The following LGR4 variants were observed in gnomAD, a reference collection of about 807,000 sequenced individuals.
LGR4 encodes leucine-rich repeat-containing G protein-coupled receptor 4.
Under a neutral mutation model 84.8 loss-of-function variants are expected in LGR4, and 44 were observed. The observed-to-expected ratio is 0.52, with a 90% CI of 0.41 to 0.67. LGR4 has a LOEUF of 0.67. Among genes scored for constraint, LGR4 ranks in the 30% least tolerant of loss-of-function variants. The probability of loss-of-function intolerance (pLI) is 0.00; values close to 1 mark genes in which losing one functional copy is unlikely to be tolerated. For missense variants in LGR4, 1,032 were observed against 1,131.4 expected, an observed-to-expected ratio of 0.91 and a Z score of 1.26; for synonymous variants, 429 against 434.3, an observed-to-expected ratio of 0.99 and a Z score of 0.15.
At chr11:27,450,665 G>A (rs1341928757) in intron 1 of LGR4, among the ~76,000 whole-genome samples, 1 of 152,130 alleles carries the variant, frequency 6.6e-6, no homozygotes, top group African/African-American at 2.4e-5. Context: ...GCACACACCT[G>A]TAATCCCACC....
chr11:27,424,657 C>T (rs150042261), intron 1 of LGR4, among the ~76,000 whole-genome samples: 30 of 152,306 alleles, frequency 2.0e-4, no homozygotes, highest in Admixed American at 4.6e-4. Flanking sequence ...ACAGAGGGAG[C>T]CCATGACAGT....
At chr11:27,442,784 G>C (rs1363426060) in intron 1 of LGR4, among the ~76,000 whole-genome samples, 1 of 152,170 alleles carries the variant, frequency 6.6e-6, no homozygotes, top group Admixed American at 6.5e-5. Flanking sequence ...AGAGAAGACA[G>C]TTATTTTCAT....
rs776200552 is a variant in LGR4 at position 27,368,392 on chromosome 11, G to A, written c.2331C>T (p.Ile777=). ...SFAPLITAIS[I]SPEIMKSVTL... ...TAACAGACTTCATTATTTCGGGGCT[G>A]ATAGAGATTGCAGTGATCAATGGTG... is the stretch of plus-strand genomic sequence containing the variant. Residue 777 remains isoleucine, a synonymous_variant, in exon 18 of 18, where the codon ATC becomes ATT. Coordinates refer to ENST00000379214, the MANE Select transcript of LGR4 (RefSeq NM_018490.5). 6.2e-7 allele frequency: 1 copy of A among 1,613,910 alleles called. No individual in the cohort carries two copies. Among genetic ancestry groups the A allele is most frequent in the East Asian group, 2.2e-5 (1 of 44,832 alleles).
At chr11:27,463,067 CAAAAAAAAA>C (rs35718980) in intron 1 of LGR4, among the ~76,000 whole-genome samples, 26 of 51,036 alleles carry the variant, frequency 5.1e-4, no homozygotes, top group South Asian at 4.6e-3. Flanking sequence ...ACCCTGTCTC[CAAAAAAAAA>C]AAAAAAAAAA....
chr11:27,467,581 A>C (rs78132625), intron 1 of LGR4, among the ~76,000 whole-genome samples: 107 of 148,638 alleles, frequency 7.2e-4, no homozygotes, highest in Middle Eastern at 3.6e-3. Context: ...AAAAAAAAAA[A>C]ATCAAATTAA....
Position 27,380,963 on chromosome 11 carries a change from T to G in LGR4, c.762A>C (p.Gly254=), listed in dbSNP as rs112724934. 1.2e-5 allele frequency: 18 copies of G among 1,517,070 alleles called. No individual in the cohort carries two copies. The East Asian group carries it at 3.8e-4, about 32-fold the overall frequency. 94.0% of individuals were successfully genotyped at this position (1,517,070 alleles called of 1,614,324 possible). A position where few individuals can be genotyped will look rare whatever the true frequency, so the allele number is the denominator to read the frequency against. The change falls in exon 8 of 18, where the codon GGA becomes GGC. Residue 254 remains glycine, a synonymous_variant. Transcript: ENST00000379214. The stretch of plus-strand genomic sequence containing the variant: ...TAACAGAAATAGAATTACTATGAAA[T>G]CCTCTAGAAAGATAGGAGAAAAGTA... The part of the protein sequence containing the change: ...IKALPSLKEL[G]FHSNSISVIP...
chr11:27,416,897 T>A (rs1003279658), intron 1 of LGR4, among the ~76,000 whole-genome samples: 4 of 152,158 alleles, frequency 2.6e-5, no homozygotes, highest in Non-Finnish European at 5.9e-5. Flanking sequence ...TGCTAAAGTA[T>A]CTACAGAGTA....
intron 2 of LGR4, among the ~76,000 whole-genome samples, chr11:27,398,537 G>A (rs1863433755): frequency 6.6e-6 from 1 of 152,186 alleles, no homozygotes; most frequent in African/African-American, 2.4e-5. Context: ...CATATGGACT[G>A]AGCAGCAGGG....
intron 6 of LGR4, among the ~76,000 whole-genome samples, chr11:27,382,942 G>A (rs1863124755): frequency 6.6e-6 from 1 of 152,146 alleles, no homozygotes; most frequent in Admixed American, 6.5e-5. Context: ...TCTTGAACCT[G>A]GGAGACGGAG....
At chr11:27,373,888 A>T in intron 14 of LGR4, 87 bp downstream of exon 14, 1 of 1,130,342 alleles carries the variant, frequency 8.8e-7, no homozygotes, top group Non-Finnish European at 1.3e-6. Flanking sequence ...TAAACAGAAA[A>T]ATATTTTGAT....
chr11:27,443,467 A>G (rs1864335510), intron 1 of LGR4, among the ~76,000 whole-genome samples: 1 of 152,154 alleles, frequency 6.6e-6, no homozygotes, highest in Non-Finnish European at 1.5e-5. Flanking sequence ...TCCCCTAATT[A>G]CTTGGCCACT....
chr11:27,399,723 T>A (rs1172381101), intron 2 of LGR4, among the ~76,000 whole-genome samples: 1 of 152,094 alleles, frequency 6.6e-6, no homozygotes. Flanking sequence ...TTCACCACGT[T>A]GGCCAGGCTG....
chr11:27,416,154 A>G (rs4256932), intron 1 of LGR4, among the ~76,000 whole-genome samples: 5,282 of 152,136 alleles, frequency 0.035, 94 homozygotes, highest in Middle Eastern at 0.088. Flanking sequence ...GGGATAGAAA[A>G]CCAAATGTAA....
At chr11:27,370,724 C>A (rs547731079) in intron 17 of LGR4, among the ~76,000 whole-genome samples, 1 of 152,268 alleles carries the variant, frequency 6.6e-6, no homozygotes, top group South Asian at 2.1e-4. Context: ...GTCCAGCCCC[C>A]CCTTTAATAA....
At position 27,376,324 on chromosome 11, in the gene LGR4, G is replaced by A; in HGVS notation, c.1156C>T (p.Gln386Ter). The A allele has an allele frequency of 6.3e-7, 1 of 1,584,070 alleles. No individual in the cohort carries two copies. The highest frequency in any genetic ancestry group is 8.6e-7 in the Non-Finnish European group (1 of 1,158,226). Residue 386 changes from glutamine to a stop codon, truncating the protein, a stop_gained, in exon 13 of 18, where the codon CAA becomes TAA. Transcript: ENST00000379214. LOFTEE classifies it high-confidence loss of function. Reference protein sequence around the residue: ...QIYQIKEGTFQGLISLRILDL... With the variant: ...QIYQIKEGTF ...AGAATCCTTAGAGATATCAGGCCTT[G>A]AAAGGTGCCTTCCTTTATTTGGTAG... is the stretch of plus-strand genomic sequence containing the variant.
At chr11:27,463,560 C>A (rs577447237) in intron 1 of LGR4, among the ~76,000 whole-genome samples, 23 of 151,860 alleles carry the variant, frequency 1.5e-4, no homozygotes, top group African/African-American at 5.3e-4. Flanking sequence ...CTGAGGCGGG[C>A]GGATCACCTG....
Position 27,472,530 on chromosome 11 carries a change from C to A in LGR4, c.-228G>T. On this transcript the variant is annotated 5_prime_UTR_variant, in exon 1 of 18. Coordinates refer to ENST00000379214, the MANE Select transcript of LGR4 (RefSeq NM_018490.5). ...GCTCCATGGACGCGCAGAGGCAGCC[C>A]CGCTCCTCCGGCGGCTCACGCCAGC... The A allele has an allele frequency of 2.6e-6, 1 of 387,954 alleles. No individual in the cohort carries two copies. Among genetic ancestry groups the A allele is most frequent in the Non-Finnish European group, 4.5e-6 (1 of 220,028 alleles). 24.0% of individuals were successfully genotyped at this position (387,954 alleles called of 1,614,324 possible).
At chr11:27,440,824 C>G (rs1340868767) in intron 1 of LGR4, among the ~76,000 whole-genome samples, 1 of 152,030 alleles carries the variant, frequency 6.6e-6, no homozygotes, top group Non-Finnish European at 1.5e-5. Flanking sequence ...TGGAAATTTG[C>G]CAGAAATTCA....
At position 27,412,828 on chromosome 11, in the gene LGR4, G is replaced by A. The variant is rs1406552053; in HGVS notation, c.218C>T (p.Pro73Leu). The A allele has an allele frequency of 3.1e-6, 5 of 1,603,682 alleles. No homozygotes were observed. The highest frequency in any genetic ancestry group is 3.4e-6 in the Non-Finnish European group (4 of 1,171,114). The change falls in exon 2 of 18, where the codon CCA becomes CTA. Residue 73 changes from proline (P) to leucine (L), a missense_variant. Transcript: ENST00000379214. ...AGGAAAGTTCTTAAATGCATCTTCTGGCAACTGAGTAATGTTGTTCATACT... is the reference window on the plus strand; with the variant it reads ...AGGAAAGTTCTTAAATGCATCTTCTAGCAACTGAGTAATGTTGTTCATACT... ...DISMNNITQL[P>L]EDAFKNFPFL...
Sources: allele counts gnomAD v4.1 joint callset (sites outside exome capture counted in the v4.1 genomes callset), GRCh38; gene constraint gnomAD v4.1.1; transcripts MANE v1.5; gene names NCBI Gene and HGNC (gene_info 2026-07-23, HGNC 2026-07-21).